Variants in MGAM observed in about 807,000 individuals in gnomAD.
MGAM encodes maltase-glucoamylase.
Under a neutral mutation model 358.8 loss-of-function variants are expected in MGAM, and 253 were observed. The observed-to-expected ratio is 0.71, with a 90% CI of 0.64 to 0.78. The LOEUF (loss-of-function observed/expected upper bound fraction) is 0.78, where lower values mean the gene tolerates loss of function less well. Among genes scored for constraint, MGAM ranks in the 30% least tolerant of loss-of-function variants. The pLI, the probability that MGAM is intolerant of heterozygous loss-of-function variation, is 0.00. For missense variants in MGAM, 3,080 were observed against 3,432.6 expected, an observed-to-expected ratio of 0.90 and a Z score of 2.57; for synonymous variants, 1,105 against 1,227.1, an observed-to-expected ratio of 0.90 and a Z score of 2.08.
At chr7:142,051,601 A>T (rs1810958875) in intron 24 of MGAM, among the ~76,000 whole-genome samples, 1 of 152,184 alleles carries the variant, frequency 6.6e-6, no homozygotes, top group South Asian at 2.1e-4. Context: ...CTTTGGGCTT[A>T]GAGAAATGAA....
At position 142,072,192 on chromosome 7, in the gene MGAM, A is replaced by G. The variant is rs139273203; in HGVS notation, c.5186+1074A>G. Among the ~76,000 whole-genome samples the G allele has an allele frequency of 5.5e-3, 802 of 146,094 alleles. 46 individuals are homozygous for G. The highest frequency in any genetic ancestry group is 0.018 in the African/African-American group (732 of 41,206). On this transcript the variant is annotated intron_variant, in intron 44 of 70. Coordinates refer to ENST00000475668, the MANE Select transcript of MGAM (RefSeq NM_001365693.1). ...TTCATTAATAGGGTATTCAAAACCA[A>G]TCACAACCTGGTTCCACGTTACCTT...
chr7:142,040,003 C>A, intron 19 of MGAM, 112 bp from the exon 20 acceptor site: 1 of 806,946 alleles, frequency 1.2e-6, no homozygotes. Context: ...AGAAGAAAGG[C>A]ATAATAGCAG....
Position 142,019,269 on chromosome 7 carries a change from C to G in MGAM, c.398C>G (p.Ser133Cys). 6.2e-7 allele frequency: 1 copy of G among 1,613,616 alleles called. No homozygotes were observed. Among genetic ancestry groups the G allele is most frequent in the Non-Finnish European group, 8.5e-7 (1 of 1,179,700 alleles). The change falls in exon 4 of 71, where the codon TCC (serine) becomes TGC (cysteine). Residue 133 changes from serine (S) to cysteine (C), a missense_variant. Physicochemically the swap from Ser to Cys is moderately radical, Grantham distance 112 (BLOSUM62 -1). This residue lies in a region of MGAM where 1,816 missense variants were observed against 1,840.5 expected (regional missense o/e 0.99). Coordinates refer to ENST00000475668, the MANE Select transcript of MGAM (RefSeq NM_001365693.1). ...GTAAGTGTTCCCTGGTGCTACTATT[C>G]CAAGAATCATAGCTACCATGTAGAG... is the stretch of plus-strand genomic sequence containing the variant. Reference protein sequence around the residue: ...GAVSVPWCYYSKNHSYHVEGN... With the variant: ...GAVSVPWCYYCKNHSYHVEGN...
In MGAM at chr7:142,059,202, G is replaced by T. The variant is rs540962632; in HGVS notation, c.3820-270G>T. Among the ~76,000 whole-genome samples the T allele has an allele frequency of 3.3e-5, 5 of 152,298 alleles. 1 individual carries two copies. In the South Asian group the frequency reaches 8.3e-4, roughly 25 times the overall value. Reference sequence around the variant, plus strand: ...AGTTTACAAAGCACTTTCCAAACCAGTGTTTTCTCTTATCCTCAGAATAGC... The same window carrying T: ...AGTTTACAAAGCACTTTCCAAACCATTGTTTTCTCTTATCCTCAGAATAGC... On this transcript the variant is annotated intron_variant, in intron 31 of 70. Coordinates refer to ENST00000475668, the MANE Select transcript of MGAM (RefSeq NM_001365693.1).
At chr7:142,062,285 G>A (rs1201875012) in intron 34 of MGAM, among the ~76,000 whole-genome samples, 2 of 152,190 alleles carry the variant, frequency 1.3e-5, no homozygotes, top group Admixed American at 6.5e-5. Flanking sequence ...TGGGCATCGA[G>A]TGCATGAGGT....
chr7:142,087,275 C>T lies in MGAM; in HGVS notation c.6810+558C>T, dbSNP rs1461042449. ...TTTTACCTCTCAGTTTCCAGCCTTACTGTAAAACTTGCTCTCTTCTGGGGA... is the reference window on the plus strand; with the variant it reads ...TTTTACCTCTCAGTTTCCAGCCTTATTGTAAAACTTGCTCTCTTCTGGGGA... On this transcript the variant is annotated intron_variant, in intron 57 of 70. Transcript: ENST00000475668. 2.7e-5 allele frequency among the ~76,000 whole-genome samples: 4 copies of T among 145,770 alleles called. 1 individual carries two copies. The highest frequency in any genetic ancestry group is 6.2e-5 in the Non-Finnish European group (4 of 64,428).
intron 21 of MGAM, among the ~76,000 whole-genome samples, chr7:142,041,603 C>G (rs1808550712): frequency 6.6e-6 from 1 of 151,616 alleles, no homozygotes; most frequent in Non-Finnish European, 1.5e-5. Context: ...CAATCACAAC[C>G]TGGTTTCACG....
chr7:142,060,305 C>T lies in MGAM; in HGVS notation c.4060-6C>T, dbSNP rs750705238. 16 of 1,613,764 alleles carry T rather than the reference C, an allele frequency of 9.9e-6. No individual in the cohort carries two copies. The African/African-American group carries it at 2.0e-4, about 20-fold the overall frequency. Reference sequence around the variant, plus strand: ...GCATCGCTACTGAACGTATTTCTCTCCATAGGTCTGGCCTGATTTTCCTGA... The same window carrying T: ...GCATCGCTACTGAACGTATTTCTCTTCATAGGTCTGGCCTGATTTTCCTGA... On this transcript the variant is annotated splice_polypyrimidine_tract_variant and splice_region_variant and intron_variant, in intron 33 of 70. Coordinates refer to ENST00000475668, the MANE Select transcript of MGAM (RefSeq NM_001365693.1).
intron 57 of MGAM, among the ~76,000 whole-genome samples, chr7:142,090,379 A>G (rs1815262933): frequency 6.9e-6 from 1 of 145,062 alleles, no homozygotes; most frequent in African/African-American, 2.4e-5. Flanking sequence ...GTCGTTTCTA[A>G]CCCTTCCTGA....
chr7:142,070,089 A>G (rs1813210236), intron 43 of MGAM, among the ~76,000 whole-genome samples: 1 of 144,306 alleles, frequency 6.9e-6, no homozygotes, highest in African/African-American at 2.5e-5. Context: ...GCTACTCGGG[A>G]GGCTGAGGCA....
chr7:142,059,374 G>T, intron 31 of MGAM, 98 bp from the exon 32 acceptor site: 1 of 1,515,878 alleles, frequency 6.6e-7, no homozygotes, highest in Non-Finnish European at 8.9e-7. Flanking sequence ...TCAACAAGAA[G>T]CTGTCTGGAA....
At chr7:142,105,709 A>G (rs1362486401) in intron 70 of MGAM, 105 bp from the exon 71 acceptor site, 2 of 798,682 alleles carry the variant, frequency 2.5e-6, no homozygotes, top group South Asian at 3.0e-5. Flanking sequence ...AATACAATGT[A>G]GAAGTATTAG....
Position 142,055,571 on chromosome 7 carries a change from C to T in MGAM, c.3328C>T (p.Leu1110Phe). The change falls in exon 28 of 71, where the codon CTC becomes TTC. Residue 1110 changes from leucine (L) to phenylalanine (F), a missense_variant. Physicochemically the swap from Leu to Phe is conservative, Grantham distance 22. Transcript: ENST00000475668. ...STGTIIWDSQ[L>F]LGFTFSDMFI... is the part of the protein sequence containing the mutation. ...TTTGTGTTTCAGTTGGGACTCTCAG[C>T]TCCTTGGCTTTACCTTCAGTGACAT... The T allele has an allele frequency of 6.2e-7, 1 of 1,613,926 alleles. No individual in the cohort carries two copies. Among genetic ancestry groups the T allele is most frequent in the Non-Finnish European group, 8.5e-7 (1 of 1,179,854 alleles).
intron 41 of MGAM, 41 bp from the exon 42 acceptor site, chr7:142,067,300 C>T (rs1812850852): frequency 3.2e-6 from 4 of 1,250,042 alleles, no homozygotes; most frequent in Non-Finnish European, 3.5e-6. Flanking sequence ...CGGGCTGGGG[C>T]TCTGTTGGGC....
intron 1 of MGAM, among the ~76,000 whole-genome samples, chr7:142,004,134 G>A (rs1236051543): frequency 6.6e-6 from 1 of 152,000 alleles, no homozygotes; most frequent in African/African-American, 2.4e-5. Context: ...ATGGTATGGA[G>A]ATTTCTCAAG....
chr7:142,103,083 T>G (rs1276354043), intron 69 of MGAM, among the ~76,000 whole-genome samples, 186 bp from the exon 70 acceptor site: 1 of 152,142 alleles, frequency 6.6e-6, no homozygotes. Flanking sequence ...TGCTTGTCAA[T>G]GCAAAGTGGA....
In MGAM at chr7:142,031,708, A is replaced by C. The variant is rs1807508742; in HGVS notation, c.1499A>C (p.Asp500Ala). The C allele has an allele frequency of 6.2e-7, 1 of 1,612,988 alleles. No individual in the cohort carries two copies. The highest frequency in any genetic ancestry group is 8.5e-7 in the Non-Finnish European group (1 of 1,179,266). Residue 500 changes from aspartate to alanine, a missense_variant, in exon 13 of 71, where the codon GAT becomes GCT. By Grantham distance (126) the Asp-to-Ala change is moderately radical. Around this residue, in one of 5 missense-constraint regions of MGAM, gnomAD observed 1,816 missense variants for 1,840.5 expected, o/e 0.99. Coordinates refer to ENST00000475668, the MANE Select transcript of MGAM (RefSeq NM_001365693.1). ...TGGCCTGGACAAACTGTGTTTCCTGATTATACCAATCCCAACTGTGCTGTT... is the reference window on the plus strand; with the variant it reads ...TGGCCTGGACAAACTGTGTTTCCTGCTTATACCAATCCCAACTGTGCTGTT... Reference protein sequence around the residue: ...EVWPGQTVFPDYTNPNCAVWW... With the variant: ...EVWPGQTVFPAYTNPNCAVWW...
intron 21 of MGAM, among the ~76,000 whole-genome samples, chr7:142,042,974 A>AAT (rs1233994407): frequency 1.5e-5 from 1 of 67,460 alleles, no homozygotes; most frequent in African/African-American, 6.1e-5. Flanking sequence ...ATCTAAATAT[A>AAT]ATATATATAT....
In MGAM at chr7:142,068,679, AGCCC is replaced by A; in HGVS notation, c.5039_5042del (p.Ala1680ValfsTer44). On this transcript the variant is annotated frameshift_variant, in exon 43 of 71. Coordinates refer to ENST00000475668, the MANE Select transcript of MGAM (RefSeq NM_001365693.1). LOFTEE classifies it high-confidence loss of function. ...GAAATGTCACTGCATATTTCCCTAG[AGCCC>A]GTTGGTACGATTACTACACGGTAAG... 1 of 1,538,502 alleles carries A rather than the reference AGCCC, an allele frequency of 6.5e-7. No homozygotes were observed. Among genetic ancestry groups the A allele is most frequent in the South Asian group, 1.1e-5 (1 of 88,930 alleles).
Sources: allele counts gnomAD v4.1 joint callset (sites outside exome capture counted in the v4.1 genomes callset), GRCh38; gene constraint gnomAD v4.1.1; regional missense constraint gnomAD v4.1.1; transcripts MANE v1.5; gene names NCBI Gene and HGNC (gene_info 2026-07-23, HGNC 2026-07-21).